The following BTBD9 variants were observed in gnomAD, a reference collection of about 807,000 sequenced individuals.
The protein encoded by BTBD9 is BTB domain containing 9.
In BTBD9, 49 loss-of-function variants were observed where a neutral mutation model predicts 64.3. That is an observed-to-expected ratio of 0.76 (90% CI 0.61 to 0.97). BTBD9 has a LOEUF of 0.97. Ranked by LOEUF, BTBD9 falls within the 50% of genes least tolerant of loss-of-function variation. The probability of loss-of-function intolerance (pLI) is 0.00; values close to 1 mark genes in which losing one functional copy is unlikely to be tolerated. For missense variants in BTBD9, 598 were observed against 762.1 expected (o/e 0.78, Z 2.53); for synonymous variants, 260 against 274.7 (o/e 0.95, Z 0.53).
rs182020127 is a variant in BTBD9 at position 38,440,289 on chromosome 6, C to T, written c.1155-95196G>A. 1.4e-3 allele frequency among the ~76,000 whole-genome samples: 214 copies of T among 152,220 alleles called. 2 individuals carry two copies. The highest frequency in any genetic ancestry group is 5.0e-3 in the African/African-American group (208 of 41,538). ...GGAGGAGAAGGAGGAACCGGCAAAA[C>T]GCACTAAGTAGAAACAGCCAGTGGG... On this transcript the variant is annotated intron_variant, in intron 6 of 10. Coordinates refer to ENST00000481247, the MANE Select transcript of BTBD9 (RefSeq NM_001099272.2).
At chr6:38,544,951 AAAAAAG>A (rs1774463953) in intron 6 of BTBD9, among the ~76,000 whole-genome samples, 1 of 148,114 alleles carries the variant, frequency 6.8e-6, no homozygotes, top group African/African-American at 2.5e-5. Context: ...AAAAAAAAAA[AAAAAAG>A]AAGACTGATA....
At chr6:38,633,657 G>C (rs1021202262) in intron 1 of BTBD9, among the ~76,000 whole-genome samples, 2 of 152,132 alleles carry the variant, frequency 1.3e-5, no homozygotes, top group African/African-American at 4.8e-5. Flanking sequence ...ATGAGTTGCT[G>C]TTAAAACTGA....
chr6:38,323,541 C>T (rs1258025572), intron 7 of BTBD9, among the ~76,000 whole-genome samples: 1 of 152,186 alleles, frequency 6.6e-6, no homozygotes, highest in Non-Finnish European at 1.5e-5. Flanking sequence ...ACTTATACAT[C>T]ATATGTTTTG....
At chr6:38,638,481 T>C (rs979913597) in intron 1 of BTBD9, among the ~76,000 whole-genome samples, 3 of 152,218 alleles carry the variant, frequency 2.0e-5, no homozygotes, top group Non-Finnish European at 2.9e-5. Context: ...GCATGCCTAC[T>C]CTGTGGCAAG....
At chr6:38,187,631 G>A (rs752301686) in intron 10 of BTBD9, among the ~76,000 whole-genome samples, 1 of 152,144 alleles carries the variant, frequency 6.6e-6, no homozygotes, top group Non-Finnish European at 1.5e-5. Context: ...GCACACAGTG[G>A]GGGGGAGTGA....
intron 1 of BTBD9, among the ~76,000 whole-genome samples, chr6:38,637,512 G>A (rs1040231302): frequency 2.0e-5 from 3 of 152,124 alleles, no homozygotes; most frequent in African/African-American, 4.8e-5. Flanking sequence ...TTTAAGCATC[G>A]TTCATCAGAA....
At chr6:38,468,896 C>T (rs1467952594) in intron 6 of BTBD9, among the ~76,000 whole-genome samples, 1 of 152,202 alleles carries the variant, frequency 6.6e-6, no homozygotes, top group Non-Finnish European at 1.5e-5. Flanking sequence ...TTCTCTCAGC[C>T]TCACTCCCCA....
chr6:38,193,430 CT>C (rs2127486366), intron 9 of BTBD9, among the ~76,000 whole-genome samples: 1 of 152,296 alleles, frequency 6.6e-6, no homozygotes, highest in South Asian at 2.1e-4. Context: ...GCCCCCGACA[CT>C]GTCTATTCTT....
chr6:38,331,369 C>G (rs1275132973), intron 7 of BTBD9, among the ~76,000 whole-genome samples: 1 of 152,064 alleles, frequency 6.6e-6, no homozygotes, highest in Admixed American at 6.6e-5. Flanking sequence ...AGCCCACCTA[C>G]TCAGGAGGCT....
chr6:38,475,066 T>A (rs1379410545), intron 6 of BTBD9, among the ~76,000 whole-genome samples: 2 of 152,110 alleles, frequency 1.3e-5, no homozygotes, highest in Non-Finnish European at 2.9e-5. Context: ...TCAAGGAACA[T>A]TTAATAATGT....
At chr6:38,444,079 C>T (rs998385469) in intron 6 of BTBD9, among the ~76,000 whole-genome samples, 1 of 152,164 alleles carries the variant, frequency 6.6e-6, no homozygotes, top group Non-Finnish European at 1.5e-5. Context: ...AAGTGCTGGA[C>T]CTTCTTTGTC....
chr6:38,229,482 C>G (rs1336453453), intron 9 of BTBD9, among the ~76,000 whole-genome samples: 1 of 152,134 alleles, frequency 6.6e-6, no homozygotes. Context: ...TTGGTCCCCC[C>G]ATGAAACAGT....
intron 7 of BTBD9, among the ~76,000 whole-genome samples, chr6:38,310,421 G>GA (rs58824579): frequency 0.088 from 12,397 of 140,592 alleles, 968 homozygotes; most frequent in East Asian, 0.41. Context: ...GTAGTTATCA[G>GA]AAAAAAAAAA....
intron 9 of BTBD9, among the ~76,000 whole-genome samples, chr6:38,228,134 G>C (rs1290949195): frequency 1.3e-5 from 2 of 152,070 alleles, no homozygotes; most frequent in African/African-American, 4.8e-5. Context: ...GGCAGAGGTG[G>C]GCGGACTGCT....
At chr6:38,624,938 T>C (rs755731408) in intron 1 of BTBD9, among the ~76,000 whole-genome samples, 4 of 152,230 alleles carry the variant, frequency 2.6e-5, no homozygotes, top group Non-Finnish European at 5.9e-5. Flanking sequence ...TATCATGTTG[T>C]AAGGCAGTTT....
chr6:38,322,870 C>T (rs1157994094), intron 7 of BTBD9, among the ~76,000 whole-genome samples: 2 of 152,108 alleles, frequency 1.3e-5, no homozygotes, highest in African/African-American at 4.8e-5. Context: ...ATAATGTAGC[C>T]TGTGTGTGCC....
At chr6:38,551,151 C>A (rs1185741071) in intron 6 of BTBD9, among the ~76,000 whole-genome samples, 6 of 152,166 alleles carry the variant, frequency 3.9e-5, no homozygotes, top group Admixed American at 3.9e-4. Flanking sequence ...GTCTCTCTCT[C>A]CCCAGTAGAA....
chr6:38,395,931 G>A (rs1305659182), intron 6 of BTBD9, among the ~76,000 whole-genome samples: 2 of 152,048 alleles, frequency 1.3e-5, no homozygotes, highest in South Asian at 2.1e-4. Flanking sequence ...GGATGGTCTC[G>A]ATCTCCTGAC....
In BTBD9 at chr6:38,380,933, C is replaced by T. The variant is rs1765906772; in HGVS notation, c.1155-35840G>A. On this transcript the variant is annotated intron_variant, in intron 6 of 10. Coordinates refer to ENST00000481247, the MANE Select transcript of BTBD9 (RefSeq NM_001099272.2). Reference sequence around the variant, plus strand: ...ATGTTAGAATAGCAAATTAAAAATGCATGTTAAAATTTCTGAAATCTAGTA... The same window carrying T: ...ATGTTAGAATAGCAAATTAAAAATGTATGTTAAAATTTCTGAAATCTAGTA... 2.0e-5 allele frequency among the ~76,000 whole-genome samples: 3 copies of T among 151,664 alleles called. No homozygotes were observed. In the South Asian group the frequency reaches 6.3e-4, roughly 32 times the overall value.
Sources: allele counts gnomAD v4.1 joint callset (sites outside exome capture counted in the v4.1 genomes callset), GRCh38; gene constraint gnomAD v4.1.1; transcripts MANE v1.5; gene names NCBI Gene and HGNC (gene_info 2026-07-23, HGNC 2026-07-21).